IRF2: variants seen among roughly 807,000 people sequenced by gnomAD.
IRF2 encodes the protein interferon regulatory factor 2.
IRF2 carries 15 observed loss-of-function variants against 40.6 expected under a neutral mutation model. The observed-to-expected ratio is 0.37, with a 90% CI of 0.25 to 0.57. IRF2 has a LOEUF of 0.57. IRF2 is among the 20% of genes least tolerant of loss of function. The pLI is 0.77. For missense variants in IRF2, 317 were observed against 455.7 expected, an observed-to-expected ratio of 0.70 and a Z score of 2.77; for synonymous variants, 151 against 165.5, an observed-to-expected ratio of 0.91 and a Z score of 0.67.
intron 1 of IRF2, among the ~76,000 whole-genome samples, chr4:184,434,045 AG>A: frequency 6.6e-6 from 1 of 152,344 alleles, no homozygotes; most frequent in East Asian, 1.9e-4. Flanking sequence ...AGGACTGGAA[AG>A]AAAGATGCTT....
chr4:184,468,492 AAG>A, intron 1 of IRF2, among the ~76,000 whole-genome samples: 1 of 105,406 alleles, frequency 9.5e-6, no homozygotes, highest in Non-Finnish European at 2.2e-5. Context: ...TTTCTCAAAA[AAG>A]AAAAAAAAAG....
chr4:184,438,256 A>C (rs1738160982), intron 1 of IRF2, among the ~76,000 whole-genome samples: 1 of 152,236 alleles, frequency 6.6e-6, no homozygotes, highest in Admixed American at 6.5e-5. Context: ...ATTCAAATCT[A>C]CATCCGTCTG....
chr4:184,404,721 G>A (rs1375614761), intron 6 of IRF2, among the ~76,000 whole-genome samples: 12 of 152,150 alleles, frequency 7.9e-5, no homozygotes, highest in African/African-American at 2.2e-4. Context: ...TTAGGCACTC[G>A]AGAGCCATGG....
chr4:184,465,638 A>G (rs1739291640), intron 1 of IRF2, among the ~76,000 whole-genome samples: 1 of 152,174 alleles, frequency 6.6e-6, no homozygotes, highest in Non-Finnish European at 1.5e-5. Flanking sequence ...ATCAGCATAG[A>G]TCATAAATAT....
intron 1 of IRF2, among the ~76,000 whole-genome samples, chr4:184,463,426 G>GATTGC (rs1264074989): frequency 1.3e-5 from 2 of 152,106 alleles, no homozygotes; most frequent in African/African-American, 4.8e-5. Flanking sequence ...AGGTGCAAAG[G>GATTGC]ACACATTGGA....
intron 2 of IRF2, among the ~76,000 whole-genome samples, chr4:184,423,434 T>C (rs1737553436): frequency 6.6e-6 from 1 of 152,236 alleles, no homozygotes; most frequent in South Asian, 2.1e-4. Context: ...TTATCTCCTC[T>C]GCCTCTTCTT....
chr4:184,405,260 A>G (rs1736813085), intron 6 of IRF2, among the ~76,000 whole-genome samples: 1 of 152,130 alleles, frequency 6.6e-6, no homozygotes, highest in Admixed American at 6.6e-5. Flanking sequence ...AAAACAAAAC[A>G]AAACAAAACT....
At position 184,390,708 on chromosome 4, in the gene IRF2, C is replaced by T. The variant is rs376264272; in HGVS notation, c.736G>A (p.Ala246Thr). The T allele has an allele frequency of 6.2e-7, 1 of 1,614,196 alleles. No individual in the cohort carries two copies. Among genetic ancestry groups the T allele is most frequent in the Non-Finnish European group, 8.5e-7 (1 of 1,180,026 alleles). The change falls in exon 8 of 9, where the codon GCC becomes ACC. Residue 246 changes from alanine to threonine, a missense_variant. By Grantham distance (58) the Ala-to-Thr change is moderately conservative (BLOSUM62 0). Coordinates refer to ENST00000393593, the MANE Select transcript of IRF2 (RefSeq NM_002199.4). ...CAGGCTGGGCAGTGGCTTACCTCGG[C>T]ACTCTCTTCATCGCTGGGCACACTA... ...TDSVPSDEES[A>T]EGRPHWRKRN...
At chr4:184,453,930 A>G (rs1302761768) in intron 1 of IRF2, among the ~76,000 whole-genome samples, 1 of 152,226 alleles carries the variant, frequency 6.6e-6, no homozygotes, top group Non-Finnish European at 1.5e-5. Context: ...GAAAAGTCAA[A>G]TAACAGAAAC....
intron 1 of IRF2, among the ~76,000 whole-genome samples, chr4:184,473,692 C>T (rs548286929): frequency 4.7e-5 from 7 of 150,278 alleles, no homozygotes; most frequent in Non-Finnish European, 8.9e-5. Context: ...GCGACCCGAC[C>T]CCGAGCCCGG....
chr4:184,388,853 G>A lies in IRF2; in HGVS notation c.955C>T (p.Pro319Ser), dbSNP rs1314965713. 1.2e-6 allele frequency: 2 copies of A among 1,614,078 alleles called. No homozygotes were observed. The highest frequency in any genetic ancestry group is 3.3e-5 in the Admixed American group (2 of 60,028). ...TCTGGCCGACTGCTGCTGGATGCTG[G>A]GGTCATGGAGGAAGAAAGGGGGAGG... is the stretch of plus-strand genomic sequence containing the variant. ...QDLPLSSSMT[P>S]ASSSSRPDRE... The change falls in exon 9 of 9, where the codon CCA becomes TCA. Residue 319 changes from proline to serine, a missense_variant. Transcript: ENST00000393593. The surrounding 1 kb of genome is among the most constrained non-coding windows in gnomAD (Gnocchi z 4.6).
intron 1 of IRF2, among the ~76,000 whole-genome samples, chr4:184,441,448 G>A (rs1030277828): frequency 3.6e-4 from 55 of 152,306 alleles, no homozygotes; most frequent in African/African-American, 1.3e-3. Flanking sequence ...ATACCTGCTC[G>A]TGACACCCCT....
At chr4:184,407,159 A>G (rs530155520) in intron 6 of IRF2, 1 of 1,286,342 alleles carries the variant, frequency 7.8e-7, no homozygotes, top group Non-Finnish European at 1.0e-6. Flanking sequence ...TGGTTTAAAT[A>G]CAAAAAAAGC....
intron 6 of IRF2, among the ~76,000 whole-genome samples, chr4:184,404,433 A>G (rs904360180): frequency 1.3e-5 from 2 of 152,224 alleles, no homozygotes; most frequent in African/African-American, 4.8e-5. Flanking sequence ...CTAGCCCCAG[A>G]GTGATTTATC....
intron 2 of IRF2, among the ~76,000 whole-genome samples, chr4:184,425,301 G>A (rs1737627541): frequency 6.6e-6 from 1 of 152,256 alleles, no homozygotes; most frequent in Non-Finnish European, 1.5e-5. Flanking sequence ...ATGGACAGAT[G>A]AATGCCAACA....
At chr4:184,432,469 A>T (rs1737922736) in intron 1 of IRF2, among the ~76,000 whole-genome samples, 1 of 152,184 alleles carries the variant, frequency 6.6e-6, no homozygotes, top group Admixed American at 6.5e-5. Context: ...GTTCCTAAGA[A>T]CCAGAAGGCT....
At chr4:184,450,987 A>G (rs9683909) in intron 1 of IRF2, among the ~76,000 whole-genome samples, 148,724 of 152,274 alleles carry the variant, frequency 0.98, 72,741 homozygotes, top group Middle Eastern at 1. Context: ...AATACCCAGA[A>G]GCACAAATGC....
chr4:184,429,111 C>T (rs1275062878), intron 1 of IRF2, 41 bp from the exon 2 acceptor site: 1 of 1,515,018 alleles, frequency 6.6e-7, no homozygotes, highest in African/African-American at 1.4e-5. Flanking sequence ...TGGTGCCACT[C>T]AGTGTGGTGT....
chr4:184,463,131 G>T (rs1235631097), intron 1 of IRF2, among the ~76,000 whole-genome samples: 1 of 152,246 alleles, frequency 6.6e-6, no homozygotes, highest in African/African-American at 2.4e-5. Context: ...GGGATGTAGA[G>T]TATGCTGCTT....
Sources: gnomAD v4.1 joint callset for allele counts (sites outside exome capture counted in the v4.1 genomes callset) on GRCh38, gnomAD v4.1.1 for gene constraint, Gnocchi (gnomAD v3.1) non-coding constraint, MANE v1.5 for transcripts, NCBI Gene and HGNC (gene_info 2026-07-23, HGNC 2026-07-21) for gene names.